Variants in SUCLG1 observed in about 807,000 individuals in gnomAD.
The protein encoded by SUCLG1 is succinate--CoA ligase [ADP/GDP-forming] subunit alpha, mitochondrial.
SUCLG1 carries 26 observed loss-of-function variants against 37.3 expected under a neutral mutation model. That is an observed-to-expected ratio of 0.70 (90% CI 0.51 to 0.97). The LOEUF is 0.97. SUCLG1 is among the 50% of genes least tolerant of loss of function. The pLI is 0.00. For missense variants in SUCLG1, 433 were observed against 432.9 expected (o/e 1.00, Z 0.00); for synonymous variants, 163 against 155.6 (o/e 1.05, Z -0.36).
Position 84,441,429 on chromosome 2 carries a change from C to T in SUCLG1, c.349G>A (p.Val117Ile), listed in dbSNP as rs1367243625. Residue 117 changes from valine (V) to isoleucine (I), a missense_variant, in exon 4 of 9, where the codon GTC becomes ATC. Val to Ile is a conservative substitution (Grantham distance 29, BLOSUM62 3). Coordinates refer to ENST00000393868, the MANE Select transcript of SUCLG1 (RefSeq NM_003849.4). ...GCAAAAGGCGGAGGAACATAAATGA[C>T]AGAAGCCGTTGCTCCTGTCTGTTCT... ...AKEQTGATAS[V>I]IYVPPPFAAA... 2 of 1,614,144 alleles carry T rather than the reference C, an allele frequency of 1.2e-6. No homozygotes were observed. The highest frequency in any genetic ancestry group is 2.2e-5 in the South Asian group (2 of 91,078).
chr2:84,431,665 A>G lies in SUCLG1; in HGVS notation c.674-6T>C. 6.2e-7 allele frequency: 1 copy of G among 1,613,876 alleles called. No individual in the cohort carries two copies. ...AAAAGGATCACCTCCAATGCCTGAA[A>G]AAGTTGAAAAATATCAATAGCTGGA... On this transcript the variant is annotated splice_region_variant and splice_polypyrimidine_tract_variant and intron_variant, in intron 6 of 8. Transcript: ENST00000393868.
At chr2:84,443,195 C>G in intron 3 of SUCLG1, 89 bp downstream of exon 3, 1 of 1,200,212 alleles carries the variant, frequency 8.3e-7, no homozygotes, top group Non-Finnish European at 1.2e-6. Context: ...GTGACTCTAC[C>G]AAAAAAACAT....
chr2:84,455,417 C>T (rs1023650181), intron 1 of SUCLG1, among the ~76,000 whole-genome samples: 2 of 151,754 alleles, frequency 1.3e-5, no homozygotes, highest in Non-Finnish European at 2.9e-5. Context: ...TGGCTTGAGC[C>T]CAGGAGGCAG....
intron 2 of SUCLG1, among the ~76,000 whole-genome samples, chr2:84,446,455 G>A (rs1672853876): frequency 6.6e-6 from 1 of 152,202 alleles, no homozygotes; most frequent in Admixed American, 6.5e-5. Context: ...TTCACGTTCT[G>A]TTAAAGGAAT....
At chr2:84,433,499 C>T in intron 5 of SUCLG1, 64 bp from the exon 6 acceptor site, 1 of 1,376,774 alleles carries the variant, frequency 7.3e-7, no homozygotes, top group Non-Finnish European at 1.0e-6. Flanking sequence ...ACATGGTAAA[C>T]TAAATTACCA....
At chr2:84,437,322 A>G (rs79534519) in intron 5 of SUCLG1, among the ~76,000 whole-genome samples, 2,246 of 152,368 alleles carry the variant, frequency 0.015, 45 homozygotes, top group East Asian at 0.066. Flanking sequence ...ACTGTAAAAA[A>G]TAAACCATAA....
At chr2:84,444,905 A>G (rs1300593304) in intron 2 of SUCLG1, among the ~76,000 whole-genome samples, 1 of 152,036 alleles carries the variant, frequency 6.6e-6, no homozygotes, top group Non-Finnish European at 1.5e-5. Context: ...GTCAGAGTTT[A>G]AGGTTATCTC....
chr2:84,432,385 C>A (rs190828179), intron 6 of SUCLG1: 12 of 152,390 alleles, frequency 7.9e-5, no homozygotes, highest in Non-Finnish European at 1.6e-4. Context: ...AGAGAACCGG[C>A]ATTTATTAAG....
At chr2:84,430,237 C>T (rs1040500752) in intron 7 of SUCLG1, among the ~76,000 whole-genome samples, 4 of 152,150 alleles carry the variant, frequency 2.6e-5, no homozygotes, top group African/African-American at 9.7e-5. Context: ...TACTAAGTGC[C>T]GGGCACTACT....
chr2:84,441,099 T>A lies in SUCLG1; in HGVS notation c.537A>T (p.Gly179=). The A allele has an allele frequency of 6.2e-7, 1 of 1,614,072 alleles. No individual in the cohort carries two copies. The highest frequency in any genetic ancestry group is 8.5e-7 in the Non-Finnish European group (1 of 1,180,008). Reference sequence around the variant, plus strand: ...CAGGCATGATGCCAATTTTACATTCTCCAGGCTGAAAGTAATCATAGTTTT... The same window carrying A: ...CAGGCATGATGCCAATTTTACATTCACCAGGCTGAAAGTAATCATAGTTTT... The part of the protein sequence containing the change: ...GPNCPGVINP[G]ECKIGIMPGH... Residue 179 remains glycine (G), a synonymous_variant, in exon 5 of 9, where the codon GGA becomes GGT. Coordinates refer to ENST00000393868, the MANE Select transcript of SUCLG1 (RefSeq NM_003849.4).
chr2:84,433,179 T>C (rs886975297), intron 6 of SUCLG1, 173 bp downstream of exon 6: 3 of 689,410 alleles, frequency 4.4e-6, no homozygotes, highest in African/African-American at 3.6e-5. Context: ...ACCATGAATC[T>C]TGAAACAACT....
intron 6 of SUCLG1, 74 bp from the exon 7 acceptor site, chr2:84,431,733 T>A: frequency 1.3e-6 from 2 of 1,508,692 alleles, no homozygotes; most frequent in Non-Finnish European, 1.8e-6. Context: ...TAAATGTTTT[T>A]AACTAGTTTG....
chr2:84,434,167 A>G (rs1234252792), intron 5 of SUCLG1, among the ~76,000 whole-genome samples: 2 of 152,222 alleles, frequency 1.3e-5, no homozygotes, highest in Non-Finnish European at 2.9e-5. Flanking sequence ...TCTTTTACTT[A>G]TAAATCATCC....
intron 5 of SUCLG1, chr2:84,433,690 T>C (rs1672643452): frequency 2.0e-6 from 1 of 496,406 alleles, no homozygotes; most frequent in East Asian, 3.8e-5. Context: ...ATAAAAACAA[T>C]GCAAGAAAGA....
chr2:84,452,281 AC>A (rs1178943615), intron 1 of SUCLG1, among the ~76,000 whole-genome samples: 3 of 152,190 alleles, frequency 2.0e-5, no homozygotes, highest in Non-Finnish European at 4.4e-5. Flanking sequence ...GGGGAGGGTG[AC>A]AAAGCCACCA....
chr2:84,437,592 T>C (rs1028933249), intron 5 of SUCLG1, among the ~76,000 whole-genome samples: 1 of 152,170 alleles, frequency 6.6e-6, no homozygotes, highest in Non-Finnish European at 1.5e-5. Flanking sequence ...CTGGTAGACA[T>C]GGAAAATGGC....
intron 7 of SUCLG1, among the ~76,000 whole-genome samples, chr2:84,429,518 A>G (rs1353679553): frequency 6.6e-6 from 1 of 152,138 alleles, no homozygotes; most frequent in African/African-American, 2.4e-5. Context: ...TGGGCAGGGC[A>G]CTGAAGTTAA....
intron 1 of SUCLG1, among the ~76,000 whole-genome samples, chr2:84,454,814 T>C (rs972580419): frequency 6.6e-6 from 1 of 152,188 alleles, no homozygotes; most frequent in African/African-American, 2.4e-5. Context: ...ATGCAATCTA[T>C]GGTCAAAGAG....
Position 84,423,616 on chromosome 2 carries a change from G to T in SUCLG1, c.*130C>A. ...TCAGGACATCTTCCACCTTGTTTTG[G>T]CTTCCAGTTGTACTGCAAGACCAGT... On this transcript the variant is annotated 3_prime_UTR_variant, in exon 9 of 9. Coordinates refer to ENST00000393868, the MANE Select transcript of SUCLG1 (RefSeq NM_003849.4). 1 of 888,114 alleles carries T rather than the reference G, an allele frequency of 1.1e-6. No homozygotes were observed. The highest frequency in any genetic ancestry group is 1.8e-6 in the Non-Finnish European group (1 of 544,834). The allele number at this position is 888,114 out of a possible 1,614,324, so 55.0% of individuals were successfully genotyped here.
Sources: allele counts gnomAD v4.1 joint callset (sites outside exome capture counted in the v4.1 genomes callset), GRCh38; gene constraint gnomAD v4.1.1; transcripts MANE v1.5; gene names NCBI Gene and HGNC (gene_info 2026-07-23, HGNC 2026-07-21).